Variants in SLC27A6 observed in about 807,000 individuals in gnomAD.
SLC27A6 encodes long-chain fatty acid transport protein 6.
A neutral mutation model predicts 63.9 loss-of-function variants in SLC27A6; 74 were observed. The observed-to-expected ratio is 1.16, with a 90% CI of 0.96 to 1.40. The LOEUF is 1.40. Ranked by LOEUF, SLC27A6 falls within the 40% of genes most tolerant of loss-of-function variation. SLC27A6 has a pLI of 0.00. For synonymous variants in SLC27A6, 287 were observed against 260.8 expected (o/e 1.10, Z -0.97); for missense variants, 794 against 732.9 (o/e 1.08, Z -0.96).
intron 6 of SLC27A6, among the ~76,000 whole-genome samples, chr5:129,024,556 C>T (rs1382723456): frequency 6.6e-6 from 1 of 151,970 alleles, no homozygotes; most frequent in African/African-American, 2.4e-5. Context: ...TGTTACTTTC[C>T]TCTCCTCAGC....
chr5:129,003,008 G>A (rs182760581), intron 4 of SLC27A6, among the ~76,000 whole-genome samples: 3 of 152,222 alleles, frequency 2.0e-5, no homozygotes, highest in South Asian at 2.1e-4. Flanking sequence ...ATGTGCACCC[G>A]AGTCTTCTTA....
intron 1 of SLC27A6, among the ~76,000 whole-genome samples, chr5:128,969,407 TC>T (rs1251729755): frequency 2.0e-5 from 3 of 152,240 alleles, no homozygotes; most frequent in African/African-American, 7.2e-5. Flanking sequence ...CATGGAATGT[TC>T]TTCCATTTGT....
chr5:129,012,784 G>A (rs1383327754), intron 4 of SLC27A6, among the ~76,000 whole-genome samples: 2 of 151,838 alleles, frequency 1.3e-5, no homozygotes, highest in Non-Finnish European at 2.9e-5. Flanking sequence ...TGATTGTATG[G>A]CTTACCTTTT....
intron 4 of SLC27A6, among the ~76,000 whole-genome samples, chr5:128,996,660 A>G (rs1751171326): frequency 6.6e-6 from 1 of 152,082 alleles, no homozygotes; most frequent in South Asian, 2.1e-4. Flanking sequence ...GATTTATGGC[A>G]GTGTGAGAGT....
intron 4 of SLC27A6, among the ~76,000 whole-genome samples, chr5:129,014,801 C>G (rs556644945): frequency 2.6e-4 from 39 of 152,268 alleles, no homozygotes; most frequent in African/African-American, 4.8e-4. Context: ...TTTCAGGAAC[C>G]CTTGTCGAGT....
Position 128,985,305 on chromosome 5 carries a change from T to G in SLC27A6, c.654T>G (p.Thr218=). The part of the protein sequence containing the change: ...SHHVVSLLKS[T]CLYIFTSGTT... ...ATGTTGTCTCACTCCTCAAGTCTAC[T>G]TGTCTTTACATTTTTACCTCTGGAA... Residue 218 remains threonine (T), a synonymous_variant, in exon 2 of 10, where the codon ACT becomes ACG. Transcript: ENST00000262462. 1 of 1,614,124 alleles carries G rather than the reference T, an allele frequency of 6.2e-7. No homozygotes were observed. The highest frequency in any genetic ancestry group is 8.5e-7 in the Non-Finnish European group (1 of 1,179,984).
At chr5:128,992,334 T>C (rs1001821444) in intron 4 of SLC27A6, among the ~76,000 whole-genome samples, 1 of 152,130 alleles carries the variant, frequency 6.6e-6, no homozygotes, top group Non-Finnish European at 1.5e-5. Context: ...GGATATCTTC[T>C]CTTCTCTTTG....
intron 4 of SLC27A6, among the ~76,000 whole-genome samples, chr5:128,996,426 G>A (rs1279391909): frequency 6.6e-6 from 1 of 152,116 alleles, no homozygotes; most frequent in Non-Finnish European, 1.5e-5. Flanking sequence ...TTGACAAAAT[G>A]TCTTACACTT....
chr5:129,006,228 G>C (rs1015300762), intron 4 of SLC27A6, among the ~76,000 whole-genome samples: 8 of 151,558 alleles, frequency 5.3e-5, no homozygotes, highest in African/African-American at 1.9e-4. Context: ...ACAGGCGCCA[G>C]CCGCCGCGCC....
rs764398006 is a variant in SLC27A6 at position 129,023,610 on chromosome 5, T to A, written c.1165-10T>A. 21 of 1,581,562 alleles carry A rather than the reference T, an allele frequency of 1.3e-5. No homozygotes were observed. The highest frequency in any genetic ancestry group is 1.5e-5 in the Non-Finnish European group (18 of 1,167,536). ...GCTTGTTTCTATTTGTTTGATTTTT[T>A]TTTTTGCAGCTTCTTTCCACTTTTG... On this transcript the variant is annotated splice_polypyrimidine_tract_variant and intron_variant, in intron 5 of 9. Transcript: ENST00000262462.
intron 4 of SLC27A6, among the ~76,000 whole-genome samples, chr5:128,994,761 C>T (rs995430019): frequency 1.3e-5 from 2 of 152,168 alleles, no homozygotes; most frequent in East Asian, 3.8e-4. Flanking sequence ...TACCTGCAGG[C>T]AGAAGTCAGA....
At chr5:129,029,977 G>A (rs2289217) in intron 9 of SLC27A6, among the ~76,000 whole-genome samples, 33,993 of 151,700 alleles carry the variant, frequency 0.22, 3,869 homozygotes, top group Middle Eastern at 0.28. Context: ...TCCCAGTGAC[G>A]GTGGCAATCC....
At position 128,988,600 on chromosome 5, in the gene SLC27A6, G is replaced by T; in HGVS notation, c.686G>T (p.Gly229Val). Residue 229 changes from glycine to valine, a missense_variant and splice_region_variant, in exon 3 of 10, where the codon GGT (glycine) becomes GTT (valine). By Grantham distance (109) the Gly-to-Val change is moderately radical. Coordinates refer to ENST00000262462, the MANE Select transcript of SLC27A6 (RefSeq NM_001017372.3). ...TTCCTGTTCTTTTCTTTTCTTCCAG[G>T]TCTACCAAAAGCAGCTGTGATTAGT... ...CLYIFTSGTTGLPKAAVISQL... is the reference protein window; with the variant it reads ...CLYIFTSGTTVLPKAAVISQL... 1.2e-6 allele frequency: 2 copies of T among 1,613,100 alleles called. No individual in the cohort carries two copies. The highest frequency in any genetic ancestry group is 1.7e-6 in the Non-Finnish European group (2 of 1,179,618).
In SLC27A6 at chr5:129,007,079, G is replaced by A. The variant is rs1481792962; in HGVS notation, c.970-8806G>A. Among the ~76,000 whole-genome samples, 9 of 152,142 alleles carry A rather than the reference G, an allele frequency of 5.9e-5. 1 individual carries two copies. Among genetic ancestry groups the A allele is most frequent in the African/African-American group, 2.2e-4 (9 of 41,520 alleles). ...AATATATAGATTTTTTTGCTTATAG[G>A]ATGGGAAAGAAAATTTTAAATCACA... On this transcript the variant is annotated intron_variant, in intron 4 of 9. Coordinates refer to ENST00000262462, the MANE Select transcript of SLC27A6 (RefSeq NM_001017372.3).
chr5:128,977,415 G>A (rs1750427453), intron 1 of SLC27A6, among the ~76,000 whole-genome samples: 1 of 152,016 alleles, frequency 6.6e-6, no homozygotes, highest in African/African-American at 2.4e-5. Context: ...TGAGGTCAGT[G>A]GAAAAGGTAC....
chr5:129,001,166 T>C (rs1751320165), intron 4 of SLC27A6, among the ~76,000 whole-genome samples: 1 of 152,212 alleles, frequency 6.6e-6, no homozygotes. Context: ...ACCTGTGCTG[T>C]CTTGACCTTG....
intron 1 of SLC27A6, among the ~76,000 whole-genome samples, chr5:128,973,644 G>A (rs1750271563): frequency 6.6e-6 from 1 of 152,226 alleles, no homozygotes; most frequent in Non-Finnish European, 1.5e-5. Flanking sequence ...CAGTATTAGA[G>A]TGAGAGTATC....
chr5:129,022,696 A>G (rs937796860), intron 5 of SLC27A6, among the ~76,000 whole-genome samples: 1 of 152,114 alleles, frequency 6.6e-6, no homozygotes, highest in African/African-American at 2.4e-5. Flanking sequence ...GAAGTGGCTC[A>G]CACCTGTAAG....
intron 1 of SLC27A6, among the ~76,000 whole-genome samples, chr5:128,970,746 G>GTC (rs1750120253): frequency 6.6e-6 from 1 of 150,560 alleles, no homozygotes; most frequent in South Asian, 2.1e-4. Context: ...GGTTTTTTAT[G>GTC]TCTCTATCTC....
Sources: gnomAD v4.1 joint callset for allele counts (sites outside exome capture counted in the v4.1 genomes callset) on GRCh38, gnomAD v4.1.1 for gene constraint, MANE v1.5 for transcripts, NCBI Gene and HGNC (gene_info 2026-07-23, HGNC 2026-07-21) for gene names.